The following GHR variants were observed in gnomAD, a reference collection of about 807,000 sequenced individuals.
GHR encodes the protein growth hormone receptor.
Under a neutral mutation model 67.1 loss-of-function variants are expected in GHR, and 35 were observed. The ratio of observed to expected loss-of-function variants is 0.52; its 90% CI spans 0.40 to 0.69. The LOEUF (loss-of-function observed/expected upper bound fraction) is 0.69. Ranked by LOEUF, GHR falls within the 30% of genes least tolerant of loss-of-function variation. The probability of loss-of-function intolerance (pLI) is 0.00; values close to 1 mark genes in which losing one functional copy is unlikely to be tolerated. For synonymous variants in GHR, 272 were observed against 269.1 expected, an observed-to-expected ratio of 1.01 and a Z score of -0.10; for missense variants, 792 against 764.6, an observed-to-expected ratio of 1.04 and a Z score of -0.42.
rs78851123 is a variant in GHR at position 42,561,221 on chromosome 5, C to G, written c.-11-4643C>G. ...CATTTAGTTTTAATTTTAAGCCCTT[C>G]AGTTTGATAGCTGATTTTTCCCTAG... On this transcript the variant is annotated intron_variant, in intron 1 of 9. Transcript: ENST00000230882. Among the ~76,000 whole-genome samples, 96 of 152,314 alleles carry G rather than the reference C, an allele frequency of 6.3e-4. 1 individual carries two copies. The East Asian group carries it at 0.017, about 28-fold the overall frequency.
At chr5:42,651,942 T>C (rs1436658926) in intron 3 of GHR, among the ~76,000 whole-genome samples, 1 of 152,210 alleles carries the variant, frequency 6.6e-6, no homozygotes, top group Non-Finnish European at 1.5e-5. Context: ...AATTCAATTG[T>C]ATCCATTTTA....
chr5:42,467,732 C>T (rs1354490669), intron 1 of GHR: 12 of 1,561,678 alleles, frequency 7.7e-6, no homozygotes, highest in South Asian at 1.1e-5. Flanking sequence ...GGTTTCTCCC[C>T]GGTGTGGATT....
chr5:42,679,007 A>T (rs1347035794), intron 3 of GHR, among the ~76,000 whole-genome samples: 1 of 146,776 alleles, frequency 6.8e-6, no homozygotes, highest in African/African-American at 2.5e-5. Context: ...TGAATTAATA[A>T]CATATTAATT....
intron 4 of GHR, among the ~76,000 whole-genome samples, chr5:42,689,981 T>A (rs1165580749): frequency 6.6e-6 from 1 of 152,216 alleles, no homozygotes; most frequent in African/African-American, 2.4e-5. Flanking sequence ...CCAAGTTGTT[T>A]ATTTCTTCCC....
intron 3 of GHR, among the ~76,000 whole-genome samples, chr5:42,650,599 A>ATATG (rs1169713562): frequency 3.4e-5 from 5 of 146,358 alleles, no homozygotes; most frequent in Admixed American, 1.4e-4. Context: ...ATATATATAT[A>ATATG]TATGTATGTC....
At chr5:42,520,638 T>C (rs573379332) in intron 1 of GHR, among the ~76,000 whole-genome samples, 1 of 152,252 alleles carries the variant, frequency 6.6e-6, no homozygotes, top group Non-Finnish European at 1.5e-5. Context: ...CAAGAATGGG[T>C]ACTTTTTTTG....
intron 1 of GHR, among the ~76,000 whole-genome samples, chr5:42,553,410 A>C (rs1393086892): frequency 6.6e-6 from 1 of 152,092 alleles, no homozygotes; most frequent in African/African-American, 2.4e-5. Context: ...ATTGCATCTC[A>C]TGGTTTCTGT....
At chr5:42,710,247 T>C (rs1053394120) in intron 6 of GHR, among the ~76,000 whole-genome samples, 1 of 152,142 alleles carries the variant, frequency 6.6e-6, no homozygotes, top group Admixed American at 6.5e-5. Context: ...AAACTTGTTT[T>C]AGAAGCTGAA....
chr5:42,519,862 G>A (rs780343325), intron 1 of GHR, among the ~76,000 whole-genome samples: 15 of 152,104 alleles, frequency 9.9e-5, no homozygotes, highest in Non-Finnish European at 1.9e-4. Flanking sequence ...AAAACTGATT[G>A]TTGAATGAAT....
intron 2 of GHR, among the ~76,000 whole-genome samples, chr5:42,572,870 G>T (rs1358837283): frequency 6.6e-6 from 1 of 152,154 alleles, no homozygotes; most frequent in Admixed American, 6.5e-5. Context: ...TGGCAGAGAG[G>T]TGGGGGTAGG....
At chr5:42,483,114 G>C (rs540584583) in intron 1 of GHR, among the ~76,000 whole-genome samples, 91 of 152,202 alleles carry the variant, frequency 6.0e-4, no homozygotes, top group African/African-American at 2.0e-3. Flanking sequence ...TGTCATCCAG[G>C]CTGGAGTGCA....
chr5:42,587,478 A>AGACCAGAGGGTCAGGGAAAGCC (rs1751537834), intron 2 of GHR, among the ~76,000 whole-genome samples: 1 of 152,138 alleles, frequency 6.6e-6, no homozygotes, highest in African/African-American at 2.4e-5. Context: ...AGAACTCCCA[A>AGACCAGAGGGTCAGGGAAAGCC]GACCAGAGGG....
intron 3 of GHR, among the ~76,000 whole-genome samples, chr5:42,664,473 G>C (rs1310880456): frequency 6.6e-6 from 1 of 152,168 alleles, no homozygotes; most frequent in African/African-American, 2.4e-5. Flanking sequence ...TGACAAACCT[G>C]AGAAAAACAA....
intron 1 of GHR, among the ~76,000 whole-genome samples, chr5:42,553,451 A>AC (rs1157260592): frequency 6.6e-6 from 1 of 151,840 alleles, no homozygotes; most frequent in South Asian, 2.1e-4. Context: ...GATTCTATGT[A>AC]CCCCCTTCCA....
chr5:42,509,820 C>G (rs1267856942), intron 1 of GHR, among the ~76,000 whole-genome samples: 2 of 151,940 alleles, frequency 1.3e-5, no homozygotes, highest in Non-Finnish European at 2.9e-5. Context: ...ACAAATTAAG[C>G]CACAAGCTTT....
At chr5:42,699,218 T>G (rs1169345295) in intron 5 of GHR, among the ~76,000 whole-genome samples, 2 of 152,146 alleles carry the variant, frequency 1.3e-5, no homozygotes, top group East Asian at 3.9e-4. Flanking sequence ...TAAAAAAGGA[T>G]AATGGCTAGG....
At chr5:42,456,212 G>A (rs1224793177) in intron 1 of GHR, among the ~76,000 whole-genome samples, 2 of 152,238 alleles carry the variant, frequency 1.3e-5, no homozygotes, top group Admixed American at 1.3e-4. Context: ...TCAGGAGGCT[G>A]AGGCAGGAGA....
intron 1 of GHR, among the ~76,000 whole-genome samples, chr5:42,500,381 T>G (rs986242119): frequency 1.3e-5 from 2 of 152,272 alleles, no homozygotes; most frequent in Non-Finnish European, 2.9e-5. Context: ...ATCTGGGTTC[T>G]GCCCTTCAGG....
chr5:42,677,772 C>A (rs980518942), intron 3 of GHR, among the ~76,000 whole-genome samples: 1 of 152,018 alleles, frequency 6.6e-6, no homozygotes, highest in African/African-American at 2.4e-5. Context: ...TTGTGTTGCT[C>A]AAGACAAGTC....
Sources: gnomAD v4.1 joint callset for allele counts (sites outside exome capture counted in the v4.1 genomes callset) on GRCh38, gnomAD v4.1.1 for gene constraint, MANE v1.5 for transcripts, NCBI Gene and HGNC (gene_info 2026-07-23, HGNC 2026-07-21) for gene names.